ERBB4: variants seen among roughly 807,000 people sequenced by gnomAD.
ERBB4 encodes the protein erb-b2 receptor tyrosine kinase 4.
Under a neutral mutation model 158.0 loss-of-function variants are expected in ERBB4, and 42 were observed. That is an observed-to-expected ratio of 0.27 (90% CI 0.21 to 0.34). The LOEUF (loss-of-function observed/expected upper bound fraction) is 0.34. ERBB4 is among the 10% of genes least tolerant of loss of function. The pLI is 1.00. For missense variants in ERBB4, 1,333 were observed against 1,624.1 expected, an observed-to-expected ratio of 0.82 and a Z score of 3.08; for synonymous variants, 583 against 558.7, an observed-to-expected ratio of 1.04 and a Z score of -0.61.
chr2:212,513,376 T>C (rs759486172), intron 1 of ERBB4, among the ~76,000 whole-genome samples: 10 of 152,208 alleles, frequency 6.6e-5, no homozygotes, highest in African/African-American at 1.4e-4. Context: ...AAAAATACAG[T>C]AACATTTCAC....
intron 4 of ERBB4, 33 bp downstream of exon 4, chr2:211,787,992 T>C: frequency 1.9e-6 from 3 of 1,607,336 alleles, no homozygotes; most frequent in Non-Finnish European, 2.6e-6. Context: ...GGGTAGAACA[T>C]TTTGAGAAAT....
At chr2:211,952,819 A>ACAAATATTATC (rs1189125707) in intron 2 of ERBB4, among the ~76,000 whole-genome samples, 1 of 152,132 alleles carries the variant, frequency 6.6e-6, no homozygotes, top group Non-Finnish European at 1.5e-5. Flanking sequence ...GCTAAGTATT[A>ACAAATATTATC]CAAATATTAT....
intron 4 of ERBB4, among the ~76,000 whole-genome samples, chr2:211,752,151 G>T (rs2075148610): frequency 6.6e-6 from 1 of 151,960 alleles, no homozygotes; most frequent in African/African-American, 2.4e-5. Flanking sequence ...TTTAATCAGT[G>T]ATAATGATAA....
At chr2:212,068,801 A>G (rs758188748) in intron 2 of ERBB4, among the ~76,000 whole-genome samples, 6 of 152,116 alleles carry the variant, frequency 3.9e-5, no homozygotes, top group Non-Finnish European at 5.9e-5. Context: ...TCACAAATAA[A>G]GCCAACTGAG....
intron 2 of ERBB4, among the ~76,000 whole-genome samples, chr2:211,992,068 G>A (rs1055784900): frequency 3.3e-5 from 5 of 152,074 alleles, no homozygotes; most frequent in African/African-American, 1.2e-4. Context: ...TCCAACCTCT[G>A]CCTGTTACCC....
intron 3 of ERBB4, among the ~76,000 whole-genome samples, chr2:211,789,163 TACC>T (rs1231735802): frequency 6.6e-6 from 1 of 152,154 alleles, no homozygotes; most frequent in African/African-American, 2.4e-5. Context: ...GCCCAATATG[TACC>T]ACATTTCCCC....
At chr2:211,808,883 G>A (rs912115304) in intron 3 of ERBB4, among the ~76,000 whole-genome samples, 1 of 152,048 alleles carries the variant, frequency 6.6e-6, no homozygotes, top group African/African-American at 2.4e-5. Flanking sequence ...TATTCTCTTT[G>A]TAGCAATTGT....
chr2:212,023,499 C>T (rs1173120136), intron 2 of ERBB4, among the ~76,000 whole-genome samples: 3 of 107,746 alleles, frequency 2.8e-5, no homozygotes, highest in East Asian at 2.9e-4. Flanking sequence ...TTAATAAAAG[C>T]GTTTATACAA....
At chr2:211,627,802 T>C (rs1352722407) in intron 17 of ERBB4, among the ~76,000 whole-genome samples, 2 of 152,218 alleles carry the variant, frequency 1.3e-5, no homozygotes, top group Admixed American at 6.5e-5. Flanking sequence ...TGGTAATTCA[T>C]AGTCTTCTGT....
chr2:212,272,131 A>T (rs1041920706), intron 1 of ERBB4, among the ~76,000 whole-genome samples: 10 of 151,712 alleles, frequency 6.6e-5, no homozygotes, highest in African/African-American at 2.4e-4. Context: ...TTATAAGGCA[A>T]ATCTAAAATT....
rs139502628 is a variant in ERBB4, at chr2:212,188,246, CA to C, written c.83-63344del. ...TCTCTCTCTCTCTCCCCCCCCCTCTCACCCCCTCCCTCCCTCCCTCTTCTCT... is the reference window on the plus strand; with the variant it reads ...TCTCTCTCTCTCTCCCCCCCCCTCTCCCCCCTCCCTCCCTCCCTCTTCTCT... On this transcript the variant is annotated intron_variant, in intron 1 of 27. Transcript: ENST00000342788. Among the ~76,000 whole-genome samples the C allele has an allele frequency of 8.1e-4, 56 of 69,148 alleles. 2 individuals are homozygous for C. The highest frequency in any genetic ancestry group is 1.4e-3 in the Non-Finnish European group (42 of 30,108). 45.4% of individuals were successfully genotyped at this position (69,148 alleles called of 152,430 possible).
chr2:211,967,324 T>C (rs577986609), intron 2 of ERBB4, among the ~76,000 whole-genome samples: 3 of 152,242 alleles, frequency 2.0e-5, no homozygotes, highest in African/African-American at 4.8e-5. Flanking sequence ...CTGCAATTAG[T>C]ATTTAAGAGG....
chr2:211,858,477 TTTGA>T (rs1420041886), intron 3 of ERBB4, among the ~76,000 whole-genome samples: 1 of 152,224 alleles, frequency 6.6e-6, no homozygotes, highest in African/African-American at 2.4e-5. Flanking sequence ...CTCAGCATGG[TTTGA>T]TTTAGACCAT....
intron 5 of ERBB4, among the ~76,000 whole-genome samples, chr2:211,729,495 G>C (rs1400397769): frequency 6.6e-6 from 1 of 151,346 alleles, no homozygotes; most frequent in African/African-American, 2.4e-5. Context: ...CAGTAATGGG[G>C]TTAAAAAAAA....
rs1693248201 is a variant in ERBB4, at chr2:212,538,616, CCGG to C, written c.-89_-87del. 4 of 1,412,708 alleles carry C rather than the reference CCGG, an allele frequency of 2.8e-6. No individual in the cohort carries two copies. The South Asian group carries it at 4.6e-5, about 16-fold the overall frequency. The allele number at this position is 1,412,708 out of a possible 1,614,324, so 87.5% of individuals were successfully genotyped here. The stretch of plus-strand genomic sequence containing the variant: ...CGGGCACGCGGAGGAGATCCCCCAG[CCGG>C]GCGCGCGTGGGGGTGCGAGGGGGGC... On this transcript the variant is annotated 5_prime_UTR_variant, in exon 1 of 28. Transcript: ENST00000342788.
chr2:211,608,836 C>T (rs1389771077), intron 19 of ERBB4, among the ~76,000 whole-genome samples: 1 of 152,064 alleles, frequency 6.6e-6, no homozygotes, highest in African/African-American at 2.4e-5. Flanking sequence ...CTAAATTCAC[C>T]CTTGTTTACA....
At chr2:212,051,586 T>C (rs990469488) in intron 2 of ERBB4, among the ~76,000 whole-genome samples, 1 of 152,160 alleles carries the variant, frequency 6.6e-6, no homozygotes, top group Non-Finnish European at 1.5e-5. Flanking sequence ...AAAAATACTT[T>C]CTTTCAGTAA....
At chr2:211,782,221 C>G (rs540978198) in intron 4 of ERBB4, among the ~76,000 whole-genome samples, 6 of 151,996 alleles carry the variant, frequency 3.9e-5, no homozygotes, top group Non-Finnish European at 7.4e-5. Context: ...TTTTGCCACT[C>G]CCTCCTCAGT....
intron 1 of ERBB4, among the ~76,000 whole-genome samples, chr2:212,176,897 A>G (rs2081680547): frequency 6.6e-6 from 1 of 151,982 alleles, no homozygotes; most frequent in South Asian, 2.1e-4. Context: ...AGGCTAGCAT[A>G]TGGCAGGTAC....
Sources: allele counts gnomAD v4.1 joint callset (sites outside exome capture counted in the v4.1 genomes callset), GRCh38; gene constraint gnomAD v4.1.1; transcripts MANE v1.5; gene names NCBI Gene and HGNC (gene_info 2026-07-23, HGNC 2026-07-21).